SPATA13: variants seen among roughly 807,000 people sequenced by gnomAD.
SPATA13 encodes spermatogenesis associated 13.
Under a neutral mutation model 104.0 loss-of-function variants are expected in SPATA13, and 50 were observed. The observed-to-expected ratio is 0.48, with a 90% CI of 0.38 to 0.61. SPATA13 has a LOEUF of 0.61. SPATA13 is among the 20% of genes least tolerant of loss of function. The pLI is 0.00. For synonymous variants in SPATA13, 606 were observed against 667.5 expected (o/e 0.91, Z 1.42); for missense variants, 1,524 against 1,690.6 (o/e 0.90, Z 1.73).
intron 3 of SPATA13, among the ~76,000 whole-genome samples, chr13:24,148,088 T>C (rs1253590181): frequency 6.6e-6 from 1 of 152,240 alleles, no homozygotes; most frequent in African/African-American, 2.4e-5. Context: ...AAGATCCTGC[T>C]TTCAGTTCTT....
chr13:24,078,672 G>A (rs1016558360), intron 3 of SPATA13, among the ~76,000 whole-genome samples: 13 of 152,210 alleles, frequency 8.5e-5, no homozygotes, highest in Admixed American at 1.3e-4. Flanking sequence ...TTAGGAAGCA[G>A]TTGTCGCCCT....
intron 3 of SPATA13, among the ~76,000 whole-genome samples, chr13:24,042,570 T>C (rs9580840): frequency 0.48 from 72,974 of 152,230 alleles, 18,500 homozygotes; most frequent in African/African-American, 0.64. Flanking sequence ...CGCACATCTA[T>C]GCCCGTGCGC....
chr13:24,301,245 CTT>C (rs1435629671), intron 12 of SPATA13, among the ~76,000 whole-genome samples: 1 of 152,190 alleles, frequency 6.6e-6, no homozygotes, highest in Non-Finnish European at 1.5e-5. Context: ...AAATGTATCT[CTT>C]TTGGTATTTT....
intron 3 of SPATA13, among the ~76,000 whole-genome samples, chr13:24,020,592 T>G (rs1354977810): frequency 6.6e-6 from 1 of 152,220 alleles, no homozygotes; most frequent in Non-Finnish European, 1.5e-5. Context: ...AATCCATCTA[T>G]AAAATTTAAC....
chr13:24,290,903 G>A lies in SPATA13; in HGVS notation c.3080+19G>A. On this transcript the variant is annotated intron_variant, in intron 9 of 12. Coordinates refer to ENST00000382108, the MANE Select transcript of SPATA13 (RefSeq NM_001166271.3). The stretch of plus-strand genomic sequence containing the variant: ...AACACGGGTGAGGGGCATGGGTAAG[G>A]GGCACAGGTGAGAGCACTGCTGCCA... 2 of 1,601,354 alleles carry A rather than the reference G, an allele frequency of 1.2e-6. No individual in the cohort carries two copies. The highest frequency in any genetic ancestry group is 1.7e-6 in the Non-Finnish European group (2 of 1,169,820).
chr13:24,269,092 C>T (rs1472301923), intron 4 of SPATA13, among the ~76,000 whole-genome samples: 3 of 152,282 alleles, frequency 2.0e-5, no homozygotes, highest in South Asian at 2.1e-4. Flanking sequence ...ACAGCAGCAG[C>T]GTGACGGCTA....
chr13:24,292,995 CAAAAAAAAAAAAA>C (rs34221097), intron 9 of SPATA13, among the ~76,000 whole-genome samples: 3 of 23,930 alleles, frequency 1.3e-4, no homozygotes, highest in South Asian at 2.7e-3. Flanking sequence ...GACTTTGTCT[CAAAAAAAAAAAAA>C]AAAAAAAAAA....
At chr13:24,120,624 TATC>T (rs1388342610) in intron 3 of SPATA13, among the ~76,000 whole-genome samples, 1 of 152,230 alleles carries the variant, frequency 6.6e-6, no homozygotes, top group Non-Finnish European at 1.5e-5. Flanking sequence ...ACAGTAGTAT[TATC>T]CAGTTCCTGG....
intron 2 of SPATA13, chr13:23,983,970 C>T: frequency 1.0e-6 from 1 of 984,610 alleles, no homozygotes; most frequent in Non-Finnish European, 1.2e-6. Flanking sequence ...TGGCATTATC[C>T]ATGCTTATTT....
At chr13:24,252,659 TA>T (rs1189673196) in intron 4 of SPATA13, 1 of 152,260 alleles carries the variant, frequency 6.6e-6, no homozygotes, top group African/African-American at 2.4e-5. Flanking sequence ...CTGCTTTCTG[TA>T]ACACTGGTTT....
chr13:24,233,752 G>T (rs1476890758), intron 2 of SPATA13, among the ~76,000 whole-genome samples: 1 of 152,184 alleles, frequency 6.6e-6, no homozygotes. Context: ...TTTCAGTACA[G>T]ACTAGTTAAA....
chr13:24,197,016 A>G (rs909561956), intron 1 of SPATA13, among the ~76,000 whole-genome samples: 1 of 152,194 alleles, frequency 6.6e-6, no homozygotes, highest in Non-Finnish European at 1.5e-5. Context: ...TTCTGTAGAA[A>G]TCTTAACTTC....
At chr13:24,232,431 A>G (rs1472656771) in intron 2 of SPATA13, among the ~76,000 whole-genome samples, 1 of 152,254 alleles carries the variant, frequency 6.6e-6, no homozygotes, top group African/African-American at 2.4e-5. Flanking sequence ...ACGCACCCAG[A>G]AATAATGCTT....
chr13:24,086,383 T>C (rs935595724), intron 3 of SPATA13, among the ~76,000 whole-genome samples: 14 of 152,064 alleles, frequency 9.2e-5, no homozygotes, highest in African/African-American at 3.4e-4. Context: ...AGGGTCCTCT[T>C]AGGAGGACCC....
At chr13:24,172,781 A>T (rs1883032363) in intron 1 of SPATA13, among the ~76,000 whole-genome samples, 1 of 152,076 alleles carries the variant, frequency 6.6e-6, no homozygotes, top group African/African-American at 2.4e-5. Flanking sequence ...AATTGGATAG[A>T]CCTGATTTTA....
intron 1 of SPATA13, among the ~76,000 whole-genome samples, chr13:24,197,117 T>C (rs374840124): frequency 2.0e-5 from 3 of 152,342 alleles, no homozygotes; most frequent in East Asian, 3.9e-4. Context: ...GTTTTTATTA[T>C]GTTTCAGTCT....
In SPATA13 at chr13:24,062,293, A is replaced by G. The variant is rs76504580; in HGVS notation, c.-112+44592A>G. ...GTGCTGTTGGCGGAGCACAATGCAAAATCCTGTGGATATGGGTGAGGCTGT... is the reference window on the plus strand; with the variant it reads ...GTGCTGTTGGCGGAGCACAATGCAAGATCCTGTGGATATGGGTGAGGCTGT... On this transcript the variant is annotated intron_variant, in intron 3 of 14. Transcript: ENST00000424834. Among the ~76,000 whole-genome samples the G allele has an allele frequency of 1.3e-3, 201 of 152,330 alleles. 4 individuals carry two copies. In the East Asian group the frequency reaches 0.033, roughly 25 times the overall value.
chr13:24,220,941 T>C (rs1871551023), intron 1 of SPATA13, among the ~76,000 whole-genome samples: 1 of 152,228 alleles, frequency 6.6e-6, no homozygotes, highest in Non-Finnish European at 1.5e-5. Context: ...ATACGCTAAA[T>C]TGGGATCTGA....
At chr13:24,068,119 A>G (rs890528442) in intron 3 of SPATA13, among the ~76,000 whole-genome samples, 26 of 152,280 alleles carry the variant, frequency 1.7e-4, no homozygotes, top group African/African-American at 6.0e-4. Flanking sequence ...CATTAAGCCA[A>G]GTGGCCATTA....
Sources: allele counts gnomAD v4.1 joint callset (sites outside exome capture counted in the v4.1 genomes callset), GRCh38; gene constraint gnomAD v4.1.1; transcripts MANE v1.5; gene names NCBI Gene and HGNC (gene_info 2026-07-23, HGNC 2026-07-21).